The following GYG2 variants were observed in gnomAD, a reference collection of about 807,000 sequenced individuals.
The protein encoded by GYG2 is glycogenin 2.
Under a neutral mutation model 29.4 loss-of-function variants are expected in GYG2, and 29 were observed. The ratio of observed to expected loss-of-function variants is 0.99; its 90% CI spans 0.74 to 1.35. The LOEUF (loss-of-function observed/expected upper bound fraction) is 1.35. Ranked by LOEUF, GYG2 falls within the 40% of genes most tolerant of loss-of-function variation. GYG2 has a pLI of 0.00. For missense variants in GYG2, 370 were observed against 385.7 expected (o/e 0.96, Z 0.34); for synonymous variants, 167 against 172.3 (o/e 0.97, Z 0.24).
chrX:2,882,107 G>A lies in GYG2; in HGVS notation c.*894G>A, dbSNP rs2088730873. 9.0e-6 allele frequency: 1 copy of A among 110,637 alleles called. No individual in the cohort carries two copies. The highest frequency in any genetic ancestry group is 2.8e-4 in the East Asian group (1 of 3,541). The allele number at this position is 110,637 out of a possible 1,213,427, so 9.1% of individuals were successfully genotyped here. ...AGCCATTTCCACTCAGCTCTTTCCAGAGAATTCTCAGTTTTATGAGACGGG... is the reference window on the plus strand; with the variant it reads ...AGCCATTTCCACTCAGCTCTTTCCAAAGAATTCTCAGTTTTATGAGACGGG... On this transcript the variant is annotated 3_prime_UTR_variant, in exon 11 of 11. Transcript: ENST00000398806.
intron 3 of GYG2, among the ~76,000 whole-genome samples, chrX:2,849,964 A>G (rs778530151): frequency 2.7e-5 from 3 of 110,590 alleles, no homozygotes; most frequent in Non-Finnish European, 5.7e-5. Context: ...AAAAATTTTT[A>G]AAAATTGCTG....
At chrX:2,836,273 C>T (rs1383673590) in intron 2 of GYG2, among the ~76,000 whole-genome samples, 4 of 110,727 alleles carry the variant, frequency 3.6e-5, no homozygotes, top group African/African-American at 1.3e-4. Flanking sequence ...TTTTAAGGAC[C>T]GAGGAGACAG....
Position 2,878,001 on chromosome X carries a change from A to G in GYG2, c.1251+694A>G, listed in dbSNP as rs2088638914. 5.3e-6 allele frequency: 4 copies of G among 751,750 alleles called. No homozygotes were observed. In the South Asian group the frequency reaches 2.0e-4, roughly 38 times the overall value. The allele number at this position is 751,750 out of a possible 1,213,427, so 62.0% of individuals were successfully genotyped here. Reference sequence around the variant, plus strand: ...ACAGTCACCCTTGGAGAAAATGTGAACTTGTTTTTCTCATTCTTACTTGGT... The same window carrying G: ...ACAGTCACCCTTGGAGAAAATGTGAGCTTGTTTTTCTCATTCTTACTTGGT... On this transcript the variant is annotated intron_variant, in intron 10 of 10. Coordinates refer to ENST00000398806, the MANE Select transcript of GYG2 (RefSeq NM_001079855.2).
At chrX:2,870,671 GTTA>G (rs764610112) in intron 8 of GYG2, among the ~76,000 whole-genome samples, 23 of 112,163 alleles carry the variant, frequency 2.1e-4, no homozygotes, top group East Asian at 8.4e-4. Flanking sequence ...TCTAGCTTCA[GTTA>G]TTATGTTTTT....
chrX:2,861,843 G>C lies in GYG2; in HGVS notation c.1038+121G>C, dbSNP rs1374969980. The C allele has an allele frequency of 1.1e-5, 6 of 521,977 alleles. No homozygotes were observed. In the Admixed American group the frequency reaches 1.8e-4, roughly 15 times the overall value. 43.0% of individuals were successfully genotyped at this position (521,977 alleles called of 1,213,427 possible). A position where few individuals can be genotyped will look rare whatever the true frequency, so the allele number is the denominator to read the frequency against. On this transcript the variant is annotated intron_variant, in intron 8 of 10. Coordinates refer to ENST00000398806, the MANE Select transcript of GYG2 (RefSeq NM_001079855.2). ...AGATGGAGGGGAAGGGCTGGTCTTTGGCTTGCTGTGGCATTCAAGGCTCTG... is the reference window on the plus strand; with the variant it reads ...AGATGGAGGGGAAGGGCTGGTCTTTCGCTTGCTGTGGCATTCAAGGCTCTG...
At position 2,868,206 on chromosome X, in the gene GYG2, C is replaced by G. The variant is rs144713672; in HGVS notation, c.1038+6484C>G. ...AAACCCTGACAGAATAAAAAGAATT[C>G]TAACCAAAAAGGTATTTTGGGCCGG... On this transcript the variant is annotated intron_variant, in intron 8 of 10. Transcript: ENST00000398806. 4.1e-3 allele frequency among the ~76,000 whole-genome samples: 454 copies of G among 110,828 alleles called. 2 individuals are homozygous for G. The highest frequency in any genetic ancestry group is 6.5e-3 in the Non-Finnish European group (342 of 52,928).
At chrX:2,843,629 T>TTTTG (rs748680710) in intron 3 of GYG2, among the ~76,000 whole-genome samples, 3 of 111,850 alleles carry the variant, frequency 2.7e-5, no homozygotes, top group Non-Finnish European at 5.6e-5. Context: ...TTCAATTCTT[T>TTTTG]TTTGTTTGTT....
At chrX:2,877,063 A>G in intron 9 of GYG2, 137 bp from the exon 10 acceptor site, 3 of 851,638 alleles carry the variant, frequency 3.5e-6, no homozygotes, top group African/African-American at 4.0e-5. Flanking sequence ...GATTACAGGC[A>G]TGAGCCACCG....
chrX:2,858,902 G>A (rs1337776346), intron 6 of GYG2, among the ~76,000 whole-genome samples: 1 of 111,453 alleles, frequency 9.0e-6, no homozygotes, highest in African/African-American at 3.3e-5. Flanking sequence ...TTGCCTTGCC[G>A]CTTGCATTAG....
intron 8 of GYG2, among the ~76,000 whole-genome samples, chrX:2,867,383 G>T (rs998815041): frequency 1.1e-4 from 12 of 111,216 alleles, no homozygotes; most frequent in Non-Finnish European, 2.1e-4. Context: ...GGCGGCAAGG[G>T]AGGGGAAAAC....
chrX:2,865,465 T>C (rs2088274637), intron 8 of GYG2, among the ~76,000 whole-genome samples: 1 of 111,837 alleles, frequency 8.9e-6, no homozygotes, highest in Admixed American at 9.6e-5. Flanking sequence ...GGATTCATAA[T>C]TGTCGATGAG....
At chrX:2,852,796 T>C (rs1022176257) in intron 3 of GYG2, 1 of 111,801 alleles carries the variant, frequency 8.9e-6, no homozygotes, top group African/African-American at 3.3e-5. Context: ...TATTTATTAC[T>C]ATATATGAAT....
At chrX:2,877,364 A>G (rs1358269967) in intron 10 of GYG2, 57 bp downstream of exon 10, 2 of 1,180,071 alleles carry the variant, frequency 1.7e-6, no homozygotes, top group Non-Finnish European at 2.3e-6. Context: ...ATCCACCGTC[A>G]CTGAGGTCAA....
intron 2 of GYG2, among the ~76,000 whole-genome samples, chrX:2,837,048 G>A (rs5982875): frequency 0.028 from 3,138 of 111,529 alleles, 117 homozygotes; most frequent in African/African-American, 0.098. Context: ...GGTTAGTTAT[G>A]CAAGAGTAGA....
At chrX:2,867,471 G>C (rs754488969) in intron 8 of GYG2, among the ~76,000 whole-genome samples, 2 of 111,299 alleles carry the variant, frequency 1.8e-5, no homozygotes, top group Non-Finnish European at 3.8e-5. Context: ...CCCTGCAAGC[G>C]GCCCCAGGCA....
intron 2 of GYG2, among the ~76,000 whole-genome samples, chrX:2,836,012 T>A (rs998422361): frequency 2.7e-5 from 3 of 110,566 alleles, no homozygotes; most frequent in African/African-American, 9.9e-5. Flanking sequence ...ATGGCCACCA[T>A]GTGCTGGGAG....
chrX:2,881,157 A>T lies in GYG2; in HGVS notation c.1357A>T (p.Met453Leu). Residue 453 changes from methionine (M) to leucine (L), a missense_variant, in exon 11 of 11, where the codon ATG (methionine) becomes TTG (leucine). Coordinates refer to ENST00000398806, the MANE Select transcript of GYG2 (RefSeq NM_001079855.2). Reference sequence around the variant, plus strand: ...GTGGGAGGAAGGCCGTATCGACTACATGGGGAAGGACGCGTTTGCTCGCAT... The same window carrying T: ...GTGGGAGGAAGGCCGTATCGACTACTTGGGGAAGGACGCGTTTGCTCGCAT... ...RKWEEGRIDYMGKDAFARIQE... is the reference protein window; with the variant it reads ...RKWEEGRIDYLGKDAFARIQE... 1 of 1,205,923 alleles carries T rather than the reference A, an allele frequency of 8.3e-7. No individual in the cohort carries two copies. The highest frequency in any genetic ancestry group is 1.8e-5 in the South Asian group (1 of 55,749).
chrX:2,846,128 G>A (rs5982887), intron 3 of GYG2, among the ~76,000 whole-genome samples: 15,329 of 83,927 alleles, frequency 0.18, 1,084 homozygotes, highest in East Asian at 0.29. Context: ...GTGCCATGGC[G>A]CGATCTTGGC....
intron 10 of GYG2, among the ~76,000 whole-genome samples, chrX:2,878,515 C>A (rs2088649048): frequency 9.0e-6 from 1 of 111,511 alleles, no homozygotes; most frequent in Non-Finnish European, 1.9e-5. Flanking sequence ...AGTGATCCTC[C>A]TTTTTTGGCC....
Sources: gnomAD v4.1 joint callset for allele counts (sites outside exome capture counted in the v4.1 genomes callset) on GRCh38, gnomAD v4.1.1 for gene constraint, MANE v1.5 for transcripts, NCBI Gene and HGNC (gene_info 2026-07-23, HGNC 2026-07-21) for gene names.